Variants in CFAP77 observed in about 807,000 individuals in gnomAD.
CFAP77 encodes the protein cilia- and flagella-associated protein 77.
A neutral mutation model predicts 31.1 loss-of-function variants in CFAP77; 25 were observed. That is an observed-to-expected ratio of 0.80 (90% CI 0.59 to 1.12). CFAP77 has a LOEUF of 1.12. Among genes scored for constraint, CFAP77 ranks in the 50% most tolerant of loss-of-function variants. The probability of loss-of-function intolerance (pLI) is 0.00; values close to 1 mark genes in which losing one functional copy is unlikely to be tolerated. For synonymous variants in CFAP77, 151 were observed against 159.9 expected (o/e 0.94, Z 0.42); for missense variants, 377 against 397.3 (o/e 0.95, Z 0.44).
rs752967239 is a variant in CFAP77 at position 132,410,258 on chromosome 9, C to G, written c.-14C>G. Reference sequence around the variant, plus strand: ...CAAACCAGCCCGCGGGCCGGCTCCCCGGCGACCTCAAGGATGCCAGAGGCC... The same window carrying G: ...CAAACCAGCCCGCGGGCCGGCTCCCGGGCGACCTCAAGGATGCCAGAGGCC... On this transcript the variant is annotated 5_prime_UTR_variant, in exon 1 of 6. Coordinates refer to ENST00000393216, the MANE Select transcript of CFAP77 (RefSeq NM_001282957.2). The G allele has an allele frequency of 1.3e-6, 2 of 1,550,186 alleles. No individual in the cohort carries two copies. Among genetic ancestry groups the G allele is most frequent in the Non-Finnish European group, 1.7e-6 (2 of 1,150,888 alleles).
At chr9:132,504,826 C>T (rs1029919583) in intron 3 of CFAP77, among the ~76,000 whole-genome samples, 2 of 152,194 alleles carry the variant, frequency 1.3e-5, no homozygotes, top group African/African-American at 2.4e-5. Flanking sequence ...GCGGAGGAAA[C>T]GGTGACAAAA....
intron 3 of CFAP77, among the ~76,000 whole-genome samples, chr9:132,523,480 C>T (rs1480234889): frequency 6.6e-6 from 1 of 152,220 alleles, no homozygotes; most frequent in Non-Finnish European, 1.5e-5. Context: ...CATGATGTGT[C>T]TCAGGGATCT....
chr9:132,453,483 G>A (rs987573809), intron 1 of CFAP77, among the ~76,000 whole-genome samples: 7 of 152,202 alleles, frequency 4.6e-5, no homozygotes, highest in African/African-American at 1.2e-4. Context: ...CTGAGATCAC[G>A]CCATTGCACT....
At chr9:132,458,357 G>GGGGTGT (rs139008147) in intron 1 of CFAP77, among the ~76,000 whole-genome samples, 10 of 119,102 alleles carry the variant, frequency 8.4e-5, no homozygotes, top group African/African-American at 2.6e-4. Context: ...GAGGGGGGGG[G>GGGGTGT]GTGTGTATGG....
intron 1 of CFAP77, among the ~76,000 whole-genome samples, chr9:132,432,826 G>T (rs1850434384): frequency 6.6e-6 from 1 of 152,154 alleles, no homozygotes. Context: ...CCATTCTCCT[G>T]CCTTAGCCTC....
chr9:132,539,075 A>C lies in CFAP77; in HGVS notation c.630+1369A>C, dbSNP rs1300210519. Among the ~76,000 whole-genome samples the C allele has an allele frequency of 6.6e-6, 1 of 152,242 alleles. No homozygotes were observed. The highest frequency in any genetic ancestry group is 1.5e-5 in the Non-Finnish European group (1 of 68,050). The stretch of plus-strand genomic sequence containing the variant: ...GCACTCCAGCCTGGGCAACAGAGCA[A>C]GACTCCGTCTCGATAAAAAAATAAA... On this transcript the variant is annotated intron_variant, in intron 4 of 5. Coordinates refer to ENST00000393216, the MANE Select transcript of CFAP77 (RefSeq NM_001282957.2). This position sits in a 1 kb window ranked among gnomAD's most constrained non-coding sequence, Gnocchi z 4.3.
At chr9:132,524,076 A>T (rs1852315341) in intron 3 of CFAP77, among the ~76,000 whole-genome samples, 2 of 151,888 alleles carry the variant, frequency 1.3e-5, no homozygotes, top group African/African-American at 4.8e-5. Flanking sequence ...AGCTCAAGAG[A>T]TCCACCCATC....
intron 3 of CFAP77, among the ~76,000 whole-genome samples, chr9:132,531,877 T>C (rs900787263): frequency 1.2e-3 from 188 of 152,110 alleles, no homozygotes; most frequent in African/African-American, 4.5e-3. Flanking sequence ...GAGCTAGACA[T>C]GAGGATGTCA....
chr9:132,483,310 C>A (rs534286578), intron 1 of CFAP77, among the ~76,000 whole-genome samples: 21 of 151,964 alleles, frequency 1.4e-4, no homozygotes, highest in African/African-American at 5.1e-4. Flanking sequence ...ACAACAACAA[C>A]AAAAACTCAC....
At chr9:132,411,852 G>A (rs1055929147) in intron 1 of CFAP77, among the ~76,000 whole-genome samples, 3 of 116,842 alleles carry the variant, frequency 2.6e-5, no homozygotes, top group Non-Finnish European at 3.5e-5. Flanking sequence ...CCCACGCTGA[G>A]CAATATGTAC....
intron 3 of CFAP77, among the ~76,000 whole-genome samples, chr9:132,502,399 T>C (rs148523360): frequency 6.6e-6 from 1 of 152,216 alleles, no homozygotes; most frequent in East Asian, 1.9e-4. Context: ...TGGGAATCAT[T>C]ACATTCACGT....
rs374754745 is a variant in CFAP77 at position 132,572,484 on chromosome 9, C to A, written c.829C>A (p.Arg277=). ...GTGTGCCGTGCGCCAGGGGACCCTG[C>A]GGATGGGCAACTACACCCACCCCTA... The part of the protein sequence containing the change: ...EECAVRQGTL[R]MGNYTHP Residue 277 remains arginine, a synonymous_variant, in exon 6 of 6, where the codon CGG becomes AGG. Transcript: ENST00000393216. The A allele has an allele frequency of 8.7e-5, 140 of 1,608,408 alleles. No homozygotes were observed. The highest frequency in any genetic ancestry group is 1.2e-4 in the Non-Finnish European group (136 of 1,179,828).
chr9:132,546,333 G>A lies in CFAP77; in HGVS notation c.732+3286G>A, dbSNP rs902270280. 5.9e-5 allele frequency among the ~76,000 whole-genome samples: 9 copies of A among 152,168 alleles called. No individual in the cohort carries two copies. The East Asian group carries it at 1.2e-3, about 20-fold the overall frequency. On this transcript the variant is annotated intron_variant, in intron 5 of 5. Coordinates refer to ENST00000393216, the MANE Select transcript of CFAP77 (RefSeq NM_001282957.2). ...TGGTGTCTGTCACGTGTGAAGCCCC[G>A]GGAGGGCCTTTGTCTGCGCCTGGCT...
rs1338065758 is a variant in CFAP77 at position 132,486,014 on chromosome 9, ATATATATATATATATATATATATATATG to A, written c.196-12677_196-12650del. Among the ~76,000 whole-genome samples the A allele has an allele frequency of 1.5e-3, 22 of 15,120 alleles. 3 individuals carry two copies. Among genetic ancestry groups the A allele is most frequent in the African/African-American group, 6.5e-3 (15 of 2,312 alleles). The allele number at this position is 15,120 out of a possible 152,430, so 9.9% of individuals were successfully genotyped here. ...TATATATATATATATATATATATAT[ATATATATATATATATATATATATATATG>A]TATGTATATGTATGTGTGTGTGTGT... is the stretch of plus-strand genomic sequence containing the variant. On this transcript the variant is annotated intron_variant, in intron 1 of 5. Coordinates refer to ENST00000393216, the MANE Select transcript of CFAP77 (RefSeq NM_001282957.2).
chr9:132,557,156 C>T (rs959930689), intron 5 of CFAP77, among the ~76,000 whole-genome samples: 3 of 152,202 alleles, frequency 2.0e-5, no homozygotes, highest in South Asian at 2.1e-4. Flanking sequence ...GTGTTGGGTG[C>T]GTGTGTTGGA....
At position 132,455,717 on chromosome 9, in the gene CFAP77, C is replaced by G. The variant is rs1251035187; in HGVS notation, c.196-42978C>G. ...CTGCACTCTGGCCTGGGTGACAGAG[C>G]AAGACTGTCTCAAAAACAAAACAAA... On this transcript the variant is annotated intron_variant, in intron 1 of 5. Coordinates refer to ENST00000393216, the MANE Select transcript of CFAP77 (RefSeq NM_001282957.2). The surrounding 1 kb of genome is among the most constrained non-coding windows in gnomAD (Gnocchi z 4.1). Among the ~76,000 whole-genome samples, 1 of 152,026 alleles carries G rather than the reference C, an allele frequency of 6.6e-6. No individual in the cohort carries two copies. The highest frequency in any genetic ancestry group is 2.4e-5 in the African/African-American group (1 of 41,390).
chr9:132,503,088 A>G (rs1295437463), intron 3 of CFAP77, among the ~76,000 whole-genome samples: 6 of 152,296 alleles, frequency 3.9e-5, no homozygotes, highest in Admixed American at 1.3e-4. Context: ...TCTATTCACC[A>G]GCCCTGAAAC....
At position 132,565,813 on chromosome 9, in the gene CFAP77, T is replaced by C. The variant is rs926896416; in HGVS notation, c.733-6575T>C. The stretch of plus-strand genomic sequence containing the variant: ...TTATTTCTGCGATGCCATTTAGATT[T>C]GTGCAATGCTCCCCATTCTAACAGG... On this transcript the variant is annotated intron_variant, in intron 5 of 5. Coordinates refer to ENST00000393216, the MANE Select transcript of CFAP77 (RefSeq NM_001282957.2). This position sits in a 1 kb window ranked among gnomAD's most constrained non-coding sequence, Gnocchi z 4.1. 2.0e-5 allele frequency among the ~76,000 whole-genome samples: 3 copies of C among 152,196 alleles called. No individual in the cohort carries two copies. The highest frequency in any genetic ancestry group is 4.4e-5 in the Non-Finnish European group (3 of 68,034).
chr9:132,491,540 G>A (rs1564225668), intron 1 of CFAP77, among the ~76,000 whole-genome samples: 1 of 152,228 alleles, frequency 6.6e-6, no homozygotes, highest in Non-Finnish European at 1.5e-5. Context: ...AAAGTGCTCA[G>A]CAAGCCCTTC....
Sources: gnomAD v4.1 joint callset for allele counts (sites outside exome capture counted in the v4.1 genomes callset) on GRCh38, gnomAD v4.1.1 for gene constraint, Gnocchi (gnomAD v3.1) non-coding constraint, MANE v1.5 for transcripts, NCBI Gene and HGNC (gene_info 2026-07-23, HGNC 2026-07-21) for gene names.